Variants in MKLN1 observed in about 807,000 individuals in gnomAD.
MKLN1 encodes the protein muskelin 1.
A neutral mutation model predicts 99.0 loss-of-function variants in MKLN1; 18 were observed. That is an observed-to-expected ratio of 0.18 (90% CI 0.13 to 0.27). The LOEUF is 0.27. Ranked by LOEUF, MKLN1 falls within the 10% of genes least tolerant of loss-of-function variation. The pLI is 1.00. For synonymous variants in MKLN1, 288 were observed against 293.2 expected, an observed-to-expected ratio of 0.98 and a Z score of 0.18; for missense variants, 621 against 875.9, an observed-to-expected ratio of 0.71 and a Z score of 3.67.
chr7:131,284,519 T>C (rs1370082552), intron 3 of MKLN1, among the ~76,000 whole-genome samples: 1 of 152,214 alleles, frequency 6.6e-6, no homozygotes, highest in South Asian at 2.1e-4. Context: ...TGGATTTAGA[T>C]GTTTGAGGAA....
At chr7:131,395,875 A>G (rs1794344778) in intron 4 of MKLN1, among the ~76,000 whole-genome samples, 1 of 151,868 alleles carries the variant, frequency 6.6e-6, no homozygotes, top group South Asian at 2.1e-4. Flanking sequence ...TCATTTATTC[A>G]ATTATTCACT....
intron 12 of MKLN1, among the ~76,000 whole-genome samples, chr7:131,455,766 C>T (rs1415429828): frequency 3.9e-5 from 6 of 152,180 alleles, no homozygotes; most frequent in African/African-American, 1.4e-4. Flanking sequence ...GTTAAATTGG[C>T]CAGGCATGGT....
chr7:131,424,053 A>G (rs186708180), intron 8 of MKLN1, among the ~76,000 whole-genome samples: 52 of 152,288 alleles, frequency 3.4e-4, no homozygotes, highest in Admixed American at 2.3e-3. Context: ...GAGCATATAA[A>G]ATATTTTTCC....
chr7:131,351,678 G>C (rs1799724091), intron 1 of MKLN1, among the ~76,000 whole-genome samples: 1 of 151,928 alleles, frequency 6.6e-6, no homozygotes, highest in Non-Finnish European at 1.5e-5. Flanking sequence ...TGCCTAGGCT[G>C]GTCTTAAACT....
At chr7:131,233,282 G>A (rs1178478808) in intron 3 of MKLN1, among the ~76,000 whole-genome samples, 1 of 151,826 alleles carries the variant, frequency 6.6e-6, no homozygotes, top group Non-Finnish European at 1.5e-5. Context: ...GCTGAGGTGG[G>A]AGATCCCTTG....
chr7:131,426,120 C>A (rs964431663), intron 8 of MKLN1, among the ~76,000 whole-genome samples: 2 of 152,116 alleles, frequency 1.3e-5, no homozygotes, highest in Non-Finnish European at 2.9e-5. Context: ...ATGCTTACTG[C>A]GTGCCAGATT....
chr7:131,213,154 TAC>T (rs1219166518), intron 3 of MKLN1, among the ~76,000 whole-genome samples: 2 of 152,036 alleles, frequency 1.3e-5, no homozygotes, highest in Non-Finnish European at 1.5e-5. Context: ...TACATATATA[TAC>T]ATAAACAATA....
intron 3 of MKLN1, among the ~76,000 whole-genome samples, chr7:131,255,263 T>C (rs1175462820): frequency 2.6e-5 from 4 of 151,856 alleles, no homozygotes; most frequent in African/African-American, 9.7e-5. Context: ...TTTGATGAAA[T>C]CTGTTATCTT....
At chr7:131,327,765 G>A, upstream of MKLN1, 11 of 1,418,626 alleles carry the variant, frequency 7.8e-6, no homozygotes, top group Non-Finnish European at 1.0e-5. Context: ...CCCGGCGCTG[G>A]GCTCGGGTAA....
At chr7:131,345,238 G>A (rs1032911564) in intron 1 of MKLN1, among the ~76,000 whole-genome samples, 4 of 152,136 alleles carry the variant, frequency 2.6e-5, no homozygotes, top group South Asian at 2.1e-4. Flanking sequence ...GCTTAAGACC[G>A]GAAGTGTTTT....
rs147278772 is a variant in MKLN1, at chr7:131,279,079, T to A, written c.-179+76105T>A. Among the ~76,000 whole-genome samples, 5 of 152,350 alleles carry A rather than the reference T, an allele frequency of 3.3e-5. 1 individual carries two copies. Among genetic ancestry groups the A allele is most frequent in the Admixed American group, 3.3e-4 (5 of 15,304 alleles). ...CATCCAACATATATTACTGAGTGTTTACTGTGTGCCAGACACTGTTTCAGA... is the reference window on the plus strand; with the variant it reads ...CATCCAACATATATTACTGAGTGTTAACTGTGTGCCAGACACTGTTTCAGA... On this transcript the variant is annotated intron_variant, in intron 3 of 7. Coordinates refer to the MKLN1 transcript ENST00000416992.
At chr7:131,324,764 G>A (rs1004281199), upstream of MKLN1, among the ~76,000 whole-genome samples, 2 of 152,160 alleles carry the variant, frequency 1.3e-5, no homozygotes, top group Non-Finnish European at 2.9e-5. Flanking sequence ...TCAAAAGTGG[G>A]GGAGAAGGAC....
At chr7:131,337,095 G>T (rs528719810) in intron 1 of MKLN1, among the ~76,000 whole-genome samples, 1 of 152,246 alleles carries the variant, frequency 6.6e-6, no homozygotes, top group Admixed American at 6.5e-5. Flanking sequence ...CAGACTTACT[G>T]TTGCTTCTTG....
chr7:131,246,150 G>A (rs905993178), intron 3 of MKLN1, among the ~76,000 whole-genome samples: 1 of 152,208 alleles, frequency 6.6e-6, no homozygotes, highest in African/African-American at 2.4e-5. Flanking sequence ...CACTGCTGCA[G>A]GCACTCTGCA....
intron 2 of MKLN1, among the ~76,000 whole-genome samples, chr7:131,155,896 T>C (rs1250646590): frequency 6.6e-6 from 1 of 152,172 alleles, no homozygotes; most frequent in Non-Finnish European, 1.5e-5. Context: ...CCAAAAATAA[T>C]TGTCGTGTTA....
chr7:131,196,223 T>C (rs1796642604), intron 2 of MKLN1, among the ~76,000 whole-genome samples: 1 of 152,220 alleles, frequency 6.6e-6, no homozygotes, highest in Admixed American at 6.5e-5. Flanking sequence ...ATGAGATGTT[T>C]CCCCATATTC....
chr7:131,206,808 G>T (rs1796819016), intron 3 of MKLN1, among the ~76,000 whole-genome samples: 1 of 151,722 alleles, frequency 6.6e-6, no homozygotes, highest in African/African-American at 2.4e-5. Flanking sequence ...TTCCCACCTT[G>T]GCCTCCCAAA....
chr7:131,420,329 GA>G (rs531461676), intron 8 of MKLN1, among the ~76,000 whole-genome samples: 7 of 150,158 alleles, frequency 4.7e-5, no homozygotes, highest in South Asian at 2.1e-4. Context: ...AGAGAAACTA[GA>G]AAAAAAAAGG....
chr7:131,156,987 T>C (rs1795978639), intron 2 of MKLN1, among the ~76,000 whole-genome samples: 1 of 152,098 alleles, frequency 6.6e-6, no homozygotes, highest in African/African-American at 2.4e-5. Context: ...TTATTTGAAG[T>C]TTCAAGCCTC....
Sources: allele counts gnomAD v4.1 joint callset (sites outside exome capture counted in the v4.1 genomes callset), GRCh38; gene constraint gnomAD v4.1.1; transcripts MANE v1.5; gene names NCBI Gene and HGNC (gene_info 2026-07-23, HGNC 2026-07-21).